The following TRPM3 variants were observed in gnomAD, a reference collection of about 807,000 sequenced individuals.
TRPM3 encodes transient receptor potential cation channel subfamily M member 3.
In TRPM3, 77 loss-of-function variants were observed where a neutral mutation model predicts 181.2. The observed-to-expected ratio is 0.42, with a 90% CI of 0.35 to 0.51. The LOEUF (loss-of-function observed/expected upper bound fraction) is 0.51. Among genes scored for constraint, TRPM3 ranks in the 20% least tolerant of loss-of-function variants. The pLI is 0.01. For missense variants in TRPM3, 1,759 were observed against 2,196.7 expected, an observed-to-expected ratio of 0.80 and a Z score of 3.98; for synonymous variants, 745 against 796.4, an observed-to-expected ratio of 0.94 and a Z score of 1.09.
At chr9:71,097,171 T>TA (rs888502054) in intron 1 of TRPM3, among the ~76,000 whole-genome samples, 4 of 152,010 alleles carry the variant, frequency 2.6e-5, no homozygotes, top group African/African-American at 4.8e-5. Context: ...CTATGCTTAT[T>TA]AAAAAAAGAG....
intron 1 of TRPM3, among the ~76,000 whole-genome samples, chr9:70,925,516 T>A (rs1006849540): frequency 6.6e-6 from 1 of 151,914 alleles, no homozygotes; most frequent in Non-Finnish European, 1.5e-5. Context: ...ATGGAACAAA[T>A]GTTGGTAGAA....
intron 8 of TRPM3, among the ~76,000 whole-genome samples, chr9:70,695,641 C>T (rs1164004518): frequency 6.6e-6 from 1 of 152,194 alleles, no homozygotes; most frequent in African/African-American, 2.4e-5. Flanking sequence ...GTGAATATGC[C>T]TCTATCACAG....
intron 21 of TRPM3, among the ~76,000 whole-genome samples, chr9:70,595,474 T>C (rs946336646): frequency 5.9e-5 from 9 of 152,184 alleles, no homozygotes; most frequent in Non-Finnish European, 1.5e-5. Context: ...AAATATCCTA[T>C]GATACACAGG....
At chr9:70,976,215 A>T (rs535908917) in intron 1 of TRPM3, among the ~76,000 whole-genome samples, 1 of 152,092 alleles carries the variant, frequency 6.6e-6, no homozygotes, top group Non-Finnish European at 1.5e-5. Flanking sequence ...CACATGGGTC[A>T]AGAAGGAGCA....
chr9:70,738,025 T>C (rs1488240346), intron 8 of TRPM3, among the ~76,000 whole-genome samples: 1 of 152,134 alleles, frequency 6.6e-6, no homozygotes, highest in Non-Finnish European at 1.5e-5. Context: ...CAAATGGACT[T>C]AACAGATATT....
intron 1 of TRPM3, among the ~76,000 whole-genome samples, chr9:71,119,975 C>A (rs1163000370): frequency 6.6e-6 from 1 of 152,170 alleles, no homozygotes; most frequent in Non-Finnish European, 1.5e-5. Context: ...TTGGGGCAGC[C>A]TTTGTTGAAA....
chr9:71,356,650 G>C (rs773464674), intron 1 of TRPM3, among the ~76,000 whole-genome samples: 8 of 152,156 alleles, frequency 5.3e-5, no homozygotes, highest in Non-Finnish European at 8.8e-5. Flanking sequence ...ACTGGGGTTG[G>C]TATCTGGCCC....
At chr9:71,119,755 T>C (rs552485122) in intron 1 of TRPM3, among the ~76,000 whole-genome samples, 3 of 152,312 alleles carry the variant, frequency 2.0e-5, no homozygotes, top group African/African-American at 7.2e-5. Context: ...CACTAGTGAT[T>C]CTGGAGAAAA....
At chr9:71,420,801 A>AGAGAAAGAGAGAGAGAGAG (rs1565557524) in intron 1 of TRPM3, among the ~76,000 whole-genome samples, 1 of 2,792 alleles carries the variant, frequency 3.6e-4, no homozygotes, top group African/African-American at 1.2e-3. Flanking sequence ...GAGAGAAAGA[A>AGAGAAAGAGAGAGAGAGAG]AGAGAGAAAG....
chr9:71,122,287 G>A (rs898581096), upstream of TRPM3, among the ~76,000 whole-genome samples: 3 of 152,224 alleles, frequency 2.0e-5, no homozygotes, highest in African/African-American at 7.2e-5. Context: ...GAGTTGGAAT[G>A]TATAGTCTTT....
chr9:70,983,162 C>A (rs1480046200), intron 1 of TRPM3, among the ~76,000 whole-genome samples: 3 of 152,142 alleles, frequency 2.0e-5, no homozygotes, highest in Non-Finnish European at 2.9e-5. Flanking sequence ...TAAATCACTT[C>A]CTTCTACAAC....
intron 1 of TRPM3, among the ~76,000 whole-genome samples, chr9:71,139,577 T>C (rs2074976459): frequency 6.6e-6 from 1 of 152,150 alleles, no homozygotes; most frequent in Non-Finnish European, 1.5e-5. Context: ...AAATAATTTA[T>C]TTTAAAAATT....
intron 11 of TRPM3, among the ~76,000 whole-genome samples, chr9:70,638,139 C>T (rs1047196420): frequency 6.6e-6 from 1 of 152,112 alleles, no homozygotes; most frequent in Non-Finnish European, 1.5e-5. Context: ...GCCTTTTGCC[C>T]TCTGTCTCTT....
In TRPM3 at chr9:71,169,779, A is replaced by G. The variant is rs991691752; in HGVS notation, c.183+276874T>C. ...AGACCAGCCTGGCCAACATGGCGAA[A>G]CCCCTTCTCGGTTTAGTATAAAAAT... On this transcript the variant is annotated intron_variant, in intron 1 of 24. Coordinates refer to the TRPM3 transcript ENST00000357533. 2.0e-5 allele frequency among the ~76,000 whole-genome samples: 3 copies of G among 151,608 alleles called. No individual in the cohort carries two copies. In the South Asian group the frequency reaches 6.3e-4, roughly 32 times the overall value.
chr9:71,036,517 A>G (rs964225763), intron 1 of TRPM3, among the ~76,000 whole-genome samples: 1 of 152,146 alleles, frequency 6.6e-6, no homozygotes, highest in Non-Finnish European at 1.5e-5. Flanking sequence ...TTCATTACCC[A>G]TTTTCGCTTT....
intron 1 of TRPM3, among the ~76,000 whole-genome samples, chr9:71,404,448 C>T (rs2093399084): frequency 6.6e-6 from 1 of 152,116 alleles, no homozygotes; most frequent in South Asian, 2.1e-4. Flanking sequence ...TTATTCATCT[C>T]TCTTTTTTCT....
intron 6 of TRPM3, among the ~76,000 whole-genome samples, chr9:70,787,161 T>C: frequency 6.6e-6 from 1 of 152,170 alleles, no homozygotes. Context: ...CTTCTAGAAG[T>C]ACAGAAAGAT....
intron 1 of TRPM3, among the ~76,000 whole-genome samples, chr9:71,393,743 C>G (rs1441770268): frequency 1.3e-5 from 2 of 152,128 alleles, no homozygotes; most frequent in Non-Finnish European, 1.5e-5. Context: ...TAAACAAACT[C>G]TAAAGATGGC....
At chr9:70,852,566 A>T (rs1021530142) in intron 3 of TRPM3, among the ~76,000 whole-genome samples, 5 of 152,166 alleles carry the variant, frequency 3.3e-5, no homozygotes, top group Admixed American at 1.3e-4. Context: ...TTAAGAATGT[A>T]TTCTTACTAG....
Sources: allele counts gnomAD v4.1 joint callset (sites outside exome capture counted in the v4.1 genomes callset), GRCh38; gene constraint gnomAD v4.1.1; transcripts MANE v1.5; gene names NCBI Gene and HGNC (gene_info 2026-07-23, HGNC 2026-07-21).